Variants in AKAP13 observed in about 807,000 individuals in gnomAD.
AKAP13 encodes A-kinase anchor protein 13.
In AKAP13, 80 loss-of-function variants were observed where a neutral mutation model predicts 264.5. The observed-to-expected ratio is 0.30, with a 90% CI of 0.25 to 0.36. The LOEUF (loss-of-function observed/expected upper bound fraction) is 0.36. AKAP13 is among the 10% of genes least tolerant of loss of function. The pLI, the probability that AKAP13 is intolerant of heterozygous loss-of-function variation, is 1.00. For synonymous variants in AKAP13, 1,380 were observed against 1,250.2 expected (o/e 1.10, Z -2.19); for missense variants, 3,712 against 3,435.2 (o/e 1.08, Z -2.01).
At chr15:85,503,527 AT>A (rs2151096603) in intron 2 of AKAP13, among the ~76,000 whole-genome samples, 1 of 152,232 alleles carries the variant, frequency 6.6e-6, no homozygotes, top group East Asian at 1.9e-4. Flanking sequence ...TGGGTTAGGA[AT>A]GATGTGTGAC....
At chr15:85,720,488 G>A (rs2087216571) in intron 23 of AKAP13, among the ~76,000 whole-genome samples, 4 of 152,178 alleles carry the variant, frequency 2.6e-5, no homozygotes, top group Admixed American at 2.6e-4. Flanking sequence ...TTTGGTACTT[G>A]TAGATGTGAT....
chr15:85,668,975 C>T (rs1245416094), intron 13 of AKAP13, among the ~76,000 whole-genome samples: 10 of 152,126 alleles, frequency 6.6e-5, no homozygotes, highest in African/African-American at 1.4e-4. Flanking sequence ...CGGTGACTCA[C>T]GCCTGTAATC....
At chr15:85,410,334 T>A (rs1197552298) in intron 1 of AKAP13, among the ~76,000 whole-genome samples, 1 of 151,666 alleles carries the variant, frequency 6.6e-6, no homozygotes, top group Non-Finnish European at 1.5e-5. Flanking sequence ...CATGCCCTTC[T>A]TGTCGACTTT....
At chr15:85,459,745 T>C (rs1302946336) in intron 1 of AKAP13, among the ~76,000 whole-genome samples, 3 of 152,090 alleles carry the variant, frequency 2.0e-5, no homozygotes, top group South Asian at 2.1e-4. Flanking sequence ...GTGATCCGCC[T>C]GCCTCAGCCT....
At position 85,581,406 on chromosome 15, in the gene AKAP13, A is replaced by G. The variant is rs369313736; in HGVS notation, c.3338A>G (p.Gln1113Arg). 9.9e-6 allele frequency: 16 copies of G among 1,614,108 alleles called. No individual in the cohort carries two copies. Among genetic ancestry groups the G allele is most frequent in the Middle Eastern group, 1.6e-4 (1 of 6,084 alleles). ...AGAGAGAATATATCACACAACACCC[A>G]AGACATCCTGATTCCAAACGTCTTG... ...PRRENISHNT[Q>R]DILIPNVLLS... Residue 1113 changes from glutamine to arginine, a missense_variant, in exon 7 of 37, where the codon CAA becomes CGA. This residue lies in a region of AKAP13 where 2,759 missense variants were observed against 2,411.7 expected (regional missense o/e 1.14). Coordinates refer to ENST00000394518, the MANE Select transcript of AKAP13 (RefSeq NM_007200.5).
chr15:85,635,078 G>T, intron 8 of AKAP13: 1 of 398,010 alleles, frequency 2.5e-6, no homozygotes, highest in Non-Finnish European at 4.4e-6. Flanking sequence ...ATTCTTCTTC[G>T]GTAAATGAAT....
chr15:85,437,463 C>A (rs1447337186), intron 1 of AKAP13, among the ~76,000 whole-genome samples: 1 of 151,766 alleles, frequency 6.6e-6, no homozygotes, highest in African/African-American at 2.4e-5. Flanking sequence ...CTCCCTAACT[C>A]ATTTTATGAG....
At chr15:85,578,901 TTTTAAA>T in intron 6 of AKAP13, 23 bp from the exon 7 acceptor site, 1 of 1,592,892 alleles carries the variant, frequency 6.3e-7, no homozygotes, top group Non-Finnish European at 8.6e-7. Context: ...ACAGGCAGTT[TTTTAAA>T]AGTGTATTTC....
chr15:85,623,396 C>T (rs1040901955), intron 8 of AKAP13, among the ~76,000 whole-genome samples: 2 of 152,126 alleles, frequency 1.3e-5, no homozygotes, highest in African/African-American at 4.8e-5. Flanking sequence ...TTTGGTATTC[C>T]ACATTTAACA....
intron 17 of AKAP13, among the ~76,000 whole-genome samples, chr15:85,701,483 A>G (rs573228916): frequency 1.3e-5 from 2 of 152,116 alleles, no homozygotes; most frequent in Non-Finnish European, 2.9e-5. Context: ...TCTGTCACCT[A>G]GGCTGGAGTA....
chr15:85,606,812 C>A (rs958898751), intron 8 of AKAP13, among the ~76,000 whole-genome samples: 1 of 152,112 alleles, frequency 6.6e-6, no homozygotes, highest in Non-Finnish European at 1.5e-5. Flanking sequence ...AAGAATCTTG[C>A]AAGGAAAGGT....
intron 1 of AKAP13, among the ~76,000 whole-genome samples, chr15:85,442,510 T>G (rs1237366072): frequency 8.9e-6 from 1 of 111,924 alleles, no homozygotes; most frequent in African/African-American, 3.2e-5. Context: ...ATATTATATA[T>G]AATATATATT....
intron 1 of AKAP13, among the ~76,000 whole-genome samples, chr15:85,471,408 T>C (rs1451237752): frequency 6.6e-6 from 1 of 152,092 alleles, no homozygotes; most frequent in African/African-American, 2.4e-5. Flanking sequence ...GGCAGGAGAA[T>C]GGCATGAACC....
intron 1 of AKAP13, among the ~76,000 whole-genome samples, chr15:85,477,471 TG>T (rs2075205621): frequency 6.6e-6 from 1 of 151,892 alleles, no homozygotes; most frequent in Non-Finnish European, 1.5e-5. Context: ...GAAGTCATGG[TG>T]GGAGTCTGGC....
intron 1 of AKAP13, among the ~76,000 whole-genome samples, chr15:85,483,636 A>AAAACAAAAC (rs1555434069): frequency 2.2e-5 from 3 of 139,020 alleles, no homozygotes; most frequent in African/African-American, 8.4e-5. Context: ...CCGTCTCAAA[A>AAAACAAAAC]AAAAAAAAAA....
At chr15:85,493,720 C>T (rs1254667640) in intron 2 of AKAP13, among the ~76,000 whole-genome samples, 3 of 152,164 alleles carry the variant, frequency 2.0e-5, no homozygotes, top group African/African-American at 2.4e-5. Flanking sequence ...TTTTTATGAA[C>T]ATAGTACATG....
chr15:85,675,917 G>C (rs1022290477), intron 14 of AKAP13, among the ~76,000 whole-genome samples: 1 of 146,070 alleles, frequency 6.8e-6, no homozygotes. Flanking sequence ...TCAGTAGAAG[G>C]CTTTTTTTTT....
chr15:85,639,676 C>A (rs566978308), intron 9 of AKAP13, among the ~76,000 whole-genome samples: 6 of 152,122 alleles, frequency 3.9e-5, no homozygotes, highest in East Asian at 3.8e-4. Flanking sequence ...ATGATTCATT[C>A]ATTTGTGAAG....
At chr15:85,576,231 C>A (rs2079008305) in intron 6 of AKAP13, among the ~76,000 whole-genome samples, 1 of 152,172 alleles carries the variant, frequency 6.6e-6, no homozygotes, top group African/African-American at 2.4e-5. Context: ...CTTAACTTTA[C>A]AAAATGAAAG....
Sources: allele counts gnomAD v4.1 joint callset (sites outside exome capture counted in the v4.1 genomes callset), GRCh38; gene constraint gnomAD v4.1.1; regional missense constraint gnomAD v4.1.1; transcripts MANE v1.5; gene names NCBI Gene and HGNC (gene_info 2026-07-23, HGNC 2026-07-21).